Variants in MYO16 observed in about 807,000 individuals in gnomAD.
The protein encoded by MYO16 is unconventional myosin-XVI.
MYO16 carries 94 observed loss-of-function variants against 205.3 expected under a neutral mutation model. The ratio of observed to expected loss-of-function variants is 0.46; its 90% CI spans 0.39 to 0.54. The LOEUF (loss-of-function observed/expected upper bound fraction) is 0.54. MYO16 is among the 20% of genes least tolerant of loss of function. MYO16 has a pLI of 0.00. For missense variants in MYO16, 2,315 were observed against 2,387.5 expected, an observed-to-expected ratio of 0.97 and a Z score of 0.63; for synonymous variants, 988 against 954.0, an observed-to-expected ratio of 1.04 and a Z score of -0.66.
intron 33 of MYO16, chr13:109,167,280 G>A (rs1001368341): frequency 3.3e-5 from 5 of 152,192 alleles, no homozygotes; most frequent in Non-Finnish European, 7.3e-5. Flanking sequence ...GCATCTCACA[G>A]GCTGAACTAG....
chr13:109,033,212 C>T (rs577344057), intron 23 of MYO16, among the ~76,000 whole-genome samples: 1 of 152,216 alleles, frequency 6.6e-6, no homozygotes, highest in South Asian at 2.1e-4. Context: ...TCCGTTTCCT[C>T]TCGTCTCTCT....
chr13:109,183,851 C>T (rs756054114), intron 34 of MYO16, among the ~76,000 whole-genome samples: 2 of 152,206 alleles, frequency 1.3e-5, no homozygotes, highest in Admixed American at 6.5e-5. Context: ...CCATAGCTGC[C>T]GATGAAAGCC....
intron 1 of MYO16, among the ~76,000 whole-genome samples, chr13:108,598,234 C>T (rs376218014): frequency 2.8e-4 from 42 of 152,238 alleles, no homozygotes; most frequent in Non-Finnish European, 4.6e-4. Flanking sequence ...AATCTGATTC[C>T]GGCCTTCAAG....
chr13:108,958,190 C>A (rs35242152), intron 17 of MYO16, among the ~76,000 whole-genome samples: 16,487 of 146,148 alleles, frequency 0.11, 1,074 homozygotes, highest in Non-Finnish European at 0.15. Context: ...ATATTTTAAT[C>A]ATAAACTTTA....
intron 3 of MYO16, among the ~76,000 whole-genome samples, chr13:108,719,278 T>C (rs182226210): frequency 4.5e-3 from 650 of 145,756 alleles, no homozygotes; most frequent in Non-Finnish European, 6.6e-3. Flanking sequence ...GAAACTAGAG[T>C]TTTGTAGCAA....
chr13:109,195,024 G>C (rs1880090175), intron 34 of MYO16, among the ~76,000 whole-genome samples: 1 of 151,528 alleles, frequency 6.6e-6, no homozygotes, highest in East Asian at 1.9e-4. Context: ...TGTGTGGAGA[G>C]GTTAAAATCA....
intron 16 of MYO16, 32 bp from the exon 17 acceptor site, chr13:108,957,656 G>A (rs1008923881): frequency 1.3e-6 from 2 of 1,482,324 alleles, no homozygotes; most frequent in Admixed American, 3.4e-5. Context: ...CGGAAGCCAG[G>A]CGATAACGTT....
At chr13:108,956,322 C>A (rs1179025370) in intron 16 of MYO16, among the ~76,000 whole-genome samples, 1 of 152,084 alleles carries the variant, frequency 6.6e-6, no homozygotes, top group African/African-American at 2.4e-5. Flanking sequence ...CTCCTCCCTT[C>A]CCCTCTCCCC....
At chr13:108,732,014 G>A (rs574076425) in intron 4 of MYO16, among the ~76,000 whole-genome samples, 3 of 152,214 alleles carry the variant, frequency 2.0e-5, no homozygotes, top group Non-Finnish European at 4.4e-5. Flanking sequence ...ATCCACAGAA[G>A]CAATTTACTC....
chr13:108,829,882 G>A (rs936160718), intron 9 of MYO16, among the ~76,000 whole-genome samples: 1 of 151,546 alleles, frequency 6.6e-6, no homozygotes, highest in African/African-American at 2.4e-5. Context: ...CTAATATCCA[G>A]AATCTACAAT....
rs1164836942 is a variant in MYO16, at chr13:109,206,677, A to T, written c.5484A>T (p.Arg1828Ser). The change falls in exon 35 of 35, where the codon AGA (arginine) becomes AGT (serine). Residue 1828 changes from arginine (R) to serine (S), a missense_variant. Arg to Ser is a moderately radical substitution (Grantham distance 110). This residue lies in a region of MYO16 where 1,097 missense variants were observed against 1,092.0 expected (regional missense o/e 1.00). Coordinates refer to ENST00000457511, the MANE Select transcript of MYO16 (RefSeq NM_001198950.3). ...VALQELLDWR[R>S]KLCEEGQDWQ... is the part of the protein sequence containing the mutation. ...TGCAGGAACTCTTGGACTGGAGGAG[A>T]AAGCTCTGTGAGGAAGGACAAGACT... 1 of 1,614,116 alleles carries T rather than the reference A, an allele frequency of 6.2e-7. No individual in the cohort carries two copies.
intron 24 of MYO16, among the ~76,000 whole-genome samples, chr13:109,049,926 CTG>C (rs35960970): frequency 0.13 from 13,315 of 105,698 alleles, 716 homozygotes; most frequent in African/African-American, 0.17. Context: ...TTCCTTTGTC[CTG>C]TGTGTGTGTG....
At chr13:109,009,089 G>T in intron 22 of MYO16, 40 bp downstream of exon 22, 2 of 1,460,598 alleles carry the variant, frequency 1.4e-6, no homozygotes, top group South Asian at 2.8e-5. Flanking sequence ...CAGGATATAT[G>T]GGTTTAAATA....
chr13:108,984,801 C>T (rs277795), intron 20 of MYO16, among the ~76,000 whole-genome samples: 1 of 152,136 alleles, frequency 6.6e-6, no homozygotes, highest in African/African-American at 2.4e-5. Context: ...ACGGCTCAGT[C>T]TCCTTTCAAG....
At chr13:109,019,601 G>T in intron 22 of MYO16, 110 bp from the exon 23 acceptor site, 1 of 777,740 alleles carries the variant, frequency 1.3e-6, no homozygotes, top group East Asian at 2.7e-5. Flanking sequence ...TTCATTTTCT[G>T]AGTGTCTATA....
intron 1 of MYO16, among the ~76,000 whole-genome samples, chr13:108,663,237 G>T (rs112955434): frequency 3.9e-5 from 6 of 152,194 alleles, no homozygotes; most frequent in Admixed American, 3.9e-4. Flanking sequence ...TGCTCTGTCC[G>T]CAGCTGCAAT....
intron 32 of MYO16, among the ~76,000 whole-genome samples, chr13:109,143,998 C>T (rs1042965647): frequency 1.3e-5 from 2 of 151,242 alleles, no homozygotes; most frequent in Non-Finnish European, 2.9e-5. Flanking sequence ...GGAGTCCTAA[C>T]TATACAGTTG....
intron 32 of MYO16, among the ~76,000 whole-genome samples, chr13:109,156,592 C>G (rs534244607): frequency 1.5e-4 from 23 of 152,214 alleles, no homozygotes; most frequent in Admixed American, 9.2e-4. Context: ...AATCTGATCT[C>G]TAGCGCAGGT....
intron 32 of MYO16, among the ~76,000 whole-genome samples, chr13:109,158,138 T>A (rs1233615249): frequency 6.6e-6 from 1 of 152,080 alleles, no homozygotes; most frequent in Non-Finnish European, 1.5e-5. Context: ...GAGTGGCCAC[T>A]GCGCTCCAGG....
Sources: gnomAD v4.1 joint callset for allele counts (sites outside exome capture counted in the v4.1 genomes callset) on GRCh38, gnomAD v4.1.1 for gene constraint, gnomAD v4.1.1 regional missense constraint, MANE v1.5 for transcripts, NCBI Gene and HGNC (gene_info 2026-07-23, HGNC 2026-07-21) for gene names.